PLA2G3: variants seen among roughly 807,000 people sequenced by gnomAD.
PLA2G3 encodes phospholipase A2 group III, also known as group 3 secretory phospholipase A2.
A neutral mutation model predicts 51.3 loss-of-function variants in PLA2G3; 39 were observed. The observed-to-expected ratio is 0.76, with a 90% CI of 0.59 to 0.99. PLA2G3 has a LOEUF of 0.99. Ranked by LOEUF, PLA2G3 falls within the 50% of genes least tolerant of loss-of-function variation. The probability of loss-of-function intolerance (pLI) is 0.00; values close to 1 mark genes in which losing one functional copy is unlikely to be tolerated. For missense variants in PLA2G3, 677 were observed against 662.1 expected, an observed-to-expected ratio of 1.02 and a Z score of -0.25; for synonymous variants, 293 against 263.1, an observed-to-expected ratio of 1.11 and a Z score of -1.10.
Position 31,134,925 on chromosome 22 carries a change from A to G in PLA2G3, c.*798T>C, listed in dbSNP as rs1486631696. Reference sequence around the variant, plus strand: ...CTTTAAAAGGTTACATCAACCTCTCAAGATCAGACACCAAACCATAGTTCA... The same window carrying G: ...CTTTAAAAGGTTACATCAACCTCTCGAGATCAGACACCAAACCATAGTTCA... On this transcript the variant is annotated 3_prime_UTR_variant, in exon 7 of 7. Transcript: ENST00000215885. 6.5e-6 allele frequency: 1 copy of G among 154,082 alleles called. No individual in the cohort carries two copies. Among genetic ancestry groups the G allele is most frequent in the African/African-American group, 2.4e-5 (1 of 41,514 alleles). 9.5% of individuals were successfully genotyped at this position (154,082 alleles called of 1,614,324 possible). A position where few individuals can be genotyped will look rare whatever the true frequency, so the allele number is the denominator to read the frequency against.
At position 31,136,914 on chromosome 22, in the gene PLA2G3, G is replaced by T. The variant is rs767524451; in HGVS notation, c.1193C>A (p.Thr398Lys). The change falls in exon 5 of 7, where the codon ACG (threonine) becomes AAG (lysine). Residue 398 changes from threonine (T) to lysine (K), a missense_variant. Thr to Lys is a moderately conservative substitution (Grantham distance 78). Coordinates refer to ENST00000215885, the MANE Select transcript of PLA2G3 (RefSeq NM_015715.5). ...GGGTTCAAAGGGGCCTCACCGGCGC[G>T]TGCAGTTGCAGTGGAAGAGGGGCTC... ...AQEPLFHCNC[T>K]RRLARFLRLH... 2.5e-6 allele frequency: 4 copies of T among 1,609,092 alleles called. No individual in the cohort carries two copies. Among genetic ancestry groups the T allele is most frequent in the South Asian group, 1.1e-5 (1 of 90,718 alleles).
At chr22:31,139,650 A>G (rs1446203895) in intron 1 of PLA2G3, among the ~76,000 whole-genome samples, 191 bp downstream of exon 1, 3 of 152,092 alleles carry the variant, frequency 2.0e-5, no homozygotes, top group Non-Finnish European at 4.4e-5. Context: ...GACTTTCCCC[A>G]ACCGTGACCT....
intron 1 of PLA2G3, among the ~76,000 whole-genome samples, chr22:31,139,146 T>A (rs540837220): frequency 6.6e-6 from 1 of 152,298 alleles, no homozygotes; most frequent in Non-Finnish European, 1.5e-5. Context: ...GTGTGTATGA[T>A]GGAATGGCAA....
rs2074739 is a variant in PLA2G3 at position 31,137,981 on chromosome 22, G to A, written c.795C>T (p.Tyr265=). 0.58 allele frequency: 902,436 copies of A among 1,566,900 alleles called. 263,837 individuals carry two copies. Among genetic ancestry groups the A allele is most frequent in the South Asian group, 0.75 (62,464 of 82,872 alleles). Residue 265 remains tyrosine, a synonymous_variant, in exon 4 of 7, where the codon TAC becomes TAT. Coordinates refer to ENST00000215885, the MANE Select transcript of PLA2G3 (RefSeq NM_015715.5). ...GCAGGCGAGCGAGGGGCACTGTGCCGTACATCCTACACCTGGGTGGTGGCA... is the reference window on the plus strand; with the variant it reads ...GCAGGCGAGCGAGGGGCACTGTGCCATACATCCTACACCTGGGTGGTGGCA... The part of the protein sequence containing the change: ...AWYWWGGCRM[Y]GTVPLARLQP...
intron 4 of PLA2G3, 70 bp downstream of exon 4, chr22:31,137,640 G>T: frequency 7.1e-7 from 1 of 1,400,648 alleles, no homozygotes. Context: ...GGCAACACAT[G>T]GCCACCCCTA....
rs1922666617 is a variant in PLA2G3 at position 31,137,802 on chromosome 22, T to C, written c.974A>G (p.Asn325Ser). 5.6e-6 allele frequency: 9 copies of C among 1,614,032 alleles called. No homozygotes were observed. In the East Asian group the frequency reaches 2.0e-4, roughly 36 times the overall value. ...CATAGGGTCCTGGAGGGCTGTGGTG[T>C]TGGCTTTGCTGGGGCGCTTGGACCC... ...QKGSKRPSKANTTALQDPMVS... is the reference protein window; with the variant it reads ...QKGSKRPSKASTTALQDPMVS... The change falls in exon 4 of 7, where the codon AAC becomes AGC. Residue 325 changes from asparagine to serine, a missense_variant. Physicochemically the swap from Asn to Ser is conservative, Grantham distance 46. Coordinates refer to ENST00000215885, the MANE Select transcript of PLA2G3 (RefSeq NM_015715.5).
Position 31,140,048 on chromosome 22 carries a change from C to G in PLA2G3, c.307G>C (p.Glu103Gln), listed in dbSNP as rs750589690. Residue 103 changes from glutamate to glutamine, a missense_variant, in exon 1 of 7, where the codon GAG becomes CAG. Transcript: ENST00000215885. ...AGAGTGGCCAGTGCTCTCTGCAGCT[C>G]GGGTCCGGGGGTGTGGATGAAGGAG... The part of the protein sequence containing the change: ...WGSFIHTPGP[E>Q]LQRALATLQS... The G allele has an allele frequency of 1.2e-6, 2 of 1,613,526 alleles. No individual in the cohort carries two copies. The highest frequency in any genetic ancestry group is 2.7e-5 in the African/African-American group (2 of 74,912).
intron 1 of PLA2G3, among the ~76,000 whole-genome samples, chr22:31,139,230 C>T (rs189175556): frequency 4.1e-4 from 63 of 152,300 alleles, no homozygotes; most frequent in Admixed American, 3.5e-3. Flanking sequence ...GACTCAGGTG[C>T]CAAGCCCTCC....
At chr22:31,137,450 G>A (rs1436651821) in intron 4 of PLA2G3, among the ~76,000 whole-genome samples, 2 of 152,138 alleles carry the variant, frequency 1.3e-5, no homozygotes, top group African/African-American at 4.8e-5. Context: ...GGGTCTGCAG[G>A]GCCAAGGCTT....
Position 31,140,295 on chromosome 22 carries a change from GC to G in PLA2G3, c.59del (p.Gly20AlafsTer14). On this transcript the variant is annotated frameshift_variant, in exon 1 of 7. Coordinates refer to ENST00000215885, the MANE Select transcript of PLA2G3 (RefSeq NM_015715.5). LOFTEE classifies it high-confidence loss of function. ...MLGFLGVALG[G>X]SPALRWYRTS... Reference sequence around the variant, plus strand: ...TCCTGTACCAGCGGAGGGCAGGGGAGCCCCCCAGGGCCACCCCCAGGAAGCC... The same window carrying G: ...TCCTGTACCAGCGGAGGGCAGGGGAGCCCCCAGGGCCACCCCCAGGAAGCC... 2 of 1,610,360 alleles carry G rather than the reference GC, an allele frequency of 1.2e-6. No individual in the cohort carries two copies. Among genetic ancestry groups the G allele is most frequent in the Non-Finnish European group, 8.5e-7 (1 of 1,179,462 alleles).
In PLA2G3 at chr22:31,136,725, C is replaced by G; in HGVS notation, c.1274G>C (p.Cys425Ser). 2 of 1,613,534 alleles carry G rather than the reference C, an allele frequency of 1.2e-6. No homozygotes were observed. Among genetic ancestry groups the G allele is most frequent in the Middle Eastern group, 1.7e-4 (1 of 6,054 alleles). ...NMLWELLGTT[C>S]FKLAPPLDCV... Reference sequence around the variant, plus strand: ...GTCCAGTGGAGGGGCCAGCTTGAAGCAGGTTGTGCCCAGCAGCTCCCAAAG... The same window carrying G: ...GTCCAGTGGAGGGGCCAGCTTGAAGGAGGTTGTGCCCAGCAGCTCCCAAAG... Residue 425 changes from cysteine (C) to serine (S), a missense_variant, in exon 6 of 7, where the codon TGC (cysteine) becomes TCC (serine). Coordinates refer to ENST00000215885, the MANE Select transcript of PLA2G3 (RefSeq NM_015715.5).
Position 31,137,010 on chromosome 22 carries a change from C to A in PLA2G3, c.1097G>T (p.Arg366Leu), listed in dbSNP as rs372652796. The A allele has an allele frequency of 3.9e-6, 6 of 1,552,234 alleles. No individual in the cohort carries two copies. The highest frequency in any genetic ancestry group is 5.2e-6 in the Non-Finnish European group (6 of 1,148,284). Residue 366 changes from arginine to leucine, a missense_variant, in exon 5 of 7, where the codon CGC (arginine) becomes CTC (leucine). Transcript: ENST00000215885. ...GARWVCRSFR[R>L]HLDQCEHQIG... ...CTGGTGCTCACACTGGTCCAGGTGGCGGCGGAAGCTGCGGCAGACCCAGCG... is the reference window on the plus strand; with the variant it reads ...CTGGTGCTCACACTGGTCCAGGTGGAGGCGGAAGCTGCGGCAGACCCAGCG...
At position 31,140,166 on chromosome 22, in the gene PLA2G3, A is replaced by G; in HGVS notation, c.189T>C (p.Asp63=). 6.2e-7 allele frequency: 1 copy of G among 1,612,628 alleles called. No individual in the cohort carries two copies. Among genetic ancestry groups the G allele is most frequent in the Non-Finnish European group, 8.5e-7 (1 of 1,179,918 alleles). ...QGLALIHARW[D]AHRRLQSCSW... ...TACATGACTGCAGCCTCCTATGCGC[A>G]TCCCAGCGGGCATGGATCAGGGCCA... Residue 63 remains aspartate (D), a synonymous_variant, in exon 1 of 7, where the codon GAT becomes GAC. Transcript: ENST00000215885.
At position 31,138,768 on chromosome 22, in the gene PLA2G3, C is replaced by T; in HGVS notation, c.546G>A (p.Arg182=). 1.2e-6 allele frequency: 2 copies of T among 1,614,046 alleles called. No individual in the cohort carries two copies. Among genetic ancestry groups the T allele is most frequent in the Non-Finnish European group, 1.7e-6 (2 of 1,179,986 alleles). ...GVFQGPDLCC[R]EHDRCPQNIS... ...TGTTCTGTGGGCAGCGGTCATGTTC[C>T]CGGCAACAGAGATCAGGTCCCTGGA... is the stretch of plus-strand genomic sequence containing the variant. Residue 182 remains arginine, a synonymous_variant, in exon 2 of 7, where the codon CGG becomes CGA. Transcript: ENST00000215885.
chr22:31,136,382 G>T (rs1602751878), intron 6 of PLA2G3, among the ~76,000 whole-genome samples: 1 of 152,310 alleles, frequency 6.6e-6, no homozygotes, highest in South Asian at 2.1e-4. Flanking sequence ...TGACCTATGT[G>T]CATCCTGCCG....
In PLA2G3 at chr22:31,137,007, TGGC is replaced by T. The variant is rs1922612062; in HGVS notation, c.1097_1099del (p.Arg366del). 1 of 1,555,322 alleles carries T rather than the reference TGGC, an allele frequency of 6.4e-7. No homozygotes were observed. The highest frequency in any genetic ancestry group is 1.4e-5 in the African/African-American group (1 of 73,150). On this transcript the variant is annotated inframe_deletion, in exon 5 of 7. Transcript: ENST00000215885. Reference sequence around the variant, plus strand: ...AATCTGGTGCTCACACTGGTCCAGGTGGCGGCGGAAGCTGCGGCAGACCCAGCG... The same window carrying T: ...AATCTGGTGCTCACACTGGTCCAGGTGGCGGAAGCTGCGGCAGACCCAGCG...
rs1282234430 is a variant in PLA2G3 at position 31,138,878 on chromosome 22, A to G, written c.515-79T>C. Reference sequence around the variant, plus strand: ...GCACCAGCTATGCCCCCCTGGTAGGAAGAGGGCAGAGACCTGGTTCTCACC... The same window carrying G: ...GCACCAGCTATGCCCCCCTGGTAGGGAGAGGGCAGAGACCTGGTTCTCACC... On this transcript the variant is annotated intron_variant, in intron 1 of 6. Transcript: ENST00000215885. 4 of 1,464,450 alleles carry G rather than the reference A, an allele frequency of 2.7e-6. No homozygotes were observed. In the African/African-American group the frequency reaches 4.2e-5, roughly 15 times the overall value. The allele number at this position is 1,464,450 out of a possible 1,614,324, so 90.7% of individuals were successfully genotyped here.
rs1922502947 is a variant in PLA2G3, at chr22:31,135,441, A to C, written c.*282T>G. On this transcript the variant is annotated 3_prime_UTR_variant, in exon 7 of 7. Coordinates refer to ENST00000215885, the MANE Select transcript of PLA2G3 (RefSeq NM_015715.5). ...TTTCCCCATTCTCATCTGTATGTGAAGTTCCCTGGCAAGGCCAAAGCCCAG... is the reference window on the plus strand; with the variant it reads ...TTTCCCCATTCTCATCTGTATGTGACGTTCCCTGGCAAGGCCAAAGCCCAG... The C allele has an allele frequency of 2.1e-6, 1 of 479,814 alleles. No homozygotes were observed. Among genetic ancestry groups the C allele is most frequent in the African/African-American group, 1.9e-5 (1 of 51,970 alleles). 29.7% of individuals were successfully genotyped at this position (479,814 alleles called of 1,614,324 possible). A position where few individuals can be genotyped will look rare whatever the true frequency, so the allele number is the denominator to read the frequency against.
In PLA2G3 at chr22:31,140,110, G is replaced by A; in HGVS notation, c.245C>T (p.Ala82Val). Reference protein sequence around the residue: ...SWEDEPELTAAYGALCAHETA... With the variant: ...SWEDEPELTAVYGALCAHETA... ...CTCATGAGCACAGAGAGCACCGTAGGCTGCGGTGAGCTCCGGCTCATCCTC... is the reference window on the plus strand; with the variant it reads ...CTCATGAGCACAGAGAGCACCGTAGACTGCGGTGAGCTCCGGCTCATCCTC... Residue 82 changes from alanine to valine, a missense_variant, in exon 1 of 7, where the codon GCC (alanine) becomes GTC (valine). Coordinates refer to ENST00000215885, the MANE Select transcript of PLA2G3 (RefSeq NM_015715.5). 1 of 1,613,192 alleles carries A rather than the reference G, an allele frequency of 6.2e-7. No homozygotes were observed. The highest frequency in any genetic ancestry group is 1.3e-5 in the African/African-American group (1 of 75,054).
Sources: allele counts gnomAD v4.1 joint callset (sites outside exome capture counted in the v4.1 genomes callset), GRCh38; gene constraint gnomAD v4.1.1; transcripts MANE v1.5; gene names NCBI Gene and HGNC (gene_info 2026-07-23, HGNC 2026-07-21).